The following MATCAP2 variants were observed in gnomAD, a reference collection of about 807,000 sequenced individuals.
MATCAP2 encodes putative tyrosine carboxypeptidase MATCAP2.
the MATCAP2 span, among the ~76,000 whole-genome samples, chr7:36,376,259 TA>T: frequency 6.6e-6 from 1 of 152,122 alleles, no homozygotes. Context: ...CACACTGCTT[TA>T]AATGTATCCC....
At chr7:36,365,091 A>T in the MATCAP2 span, among the ~76,000 whole-genome samples, 1 of 152,194 alleles carries the variant, frequency 6.6e-6, no homozygotes, top group Non-Finnish European at 1.5e-5. Context: ...TTCTAACTCA[A>T]CATGTTGACA....
the MATCAP2 span, chr7:36,383,795 C>A: frequency 8.9e-7 from 1 of 1,117,446 alleles, no homozygotes; most frequent in Non-Finnish European, 1.3e-6. Flanking sequence ...ACATGTACTC[C>A]AGAACTTAAA....
the MATCAP2 span, among the ~76,000 whole-genome samples, chr7:36,371,937 A>C: frequency 6.6e-6 from 1 of 151,994 alleles, no homozygotes; most frequent in South Asian, 2.1e-4. Flanking sequence ...CTGGTCTCAA[A>C]TTCCTGGCCT....
the MATCAP2 span, among the ~76,000 whole-genome samples, chr7:36,327,708 C>A: frequency 6.6e-6 from 1 of 152,178 alleles, no homozygotes. Flanking sequence ...TTTGGAGCAC[C>A]CACGTGATGC....
the MATCAP2 span, among the ~76,000 whole-genome samples, chr7:36,375,993 G>A: frequency 1.3e-5 from 2 of 151,762 alleles, no homozygotes; most frequent in Non-Finnish European, 2.9e-5. Context: ...TTCTTTATTA[G>A]TCTTGCTAGC....
chr7:36,361,361 G>C, the MATCAP2 span, among the ~76,000 whole-genome samples: 1 of 152,168 alleles, frequency 6.6e-6, no homozygotes. Flanking sequence ...GAGGTCTCTG[G>C]CTGAAAAGGA....
At chr7:36,329,792 G>C in the MATCAP2 span, among the ~76,000 whole-genome samples, 4 of 152,146 alleles carry the variant, frequency 2.6e-5, 1 homozygote, top group Non-Finnish European at 5.9e-5. Context: ...CTAATACAAT[G>C]GGGGAAAGGT....
the MATCAP2 span, among the ~76,000 whole-genome samples, chr7:36,341,155 A>G: frequency 6.6e-6 from 1 of 152,206 alleles, no homozygotes; most frequent in Non-Finnish European, 1.5e-5. Context: ...GAGTTCAGAG[A>G]ATCAATGTTT....
chr7:36,384,835 A>G, the MATCAP2 span, among the ~76,000 whole-genome samples: 11 of 152,114 alleles, frequency 7.2e-5, no homozygotes, highest in African/African-American at 2.7e-4. Context: ...TGACCAGAAA[A>G]AAGGCCTGAA....
chr7:36,361,139 A>C, the MATCAP2 span, among the ~76,000 whole-genome samples: 3 of 152,208 alleles, frequency 2.0e-5, no homozygotes, highest in African/African-American at 7.2e-5. Flanking sequence ...CACAATGAAA[A>C]CTTAGTATAT....
At chr7:36,388,153 A>G in the MATCAP2 span, among the ~76,000 whole-genome samples, 1 of 152,222 alleles carries the variant, frequency 6.6e-6, no homozygotes, top group Non-Finnish European at 1.5e-5. Flanking sequence ...ACTAAAATAC[A>G]AACAGGCTAA....
chr7:36,362,892 G>T, the MATCAP2 span, among the ~76,000 whole-genome samples: 3 of 152,012 alleles, frequency 2.0e-5, no homozygotes, highest in African/African-American at 7.2e-5. Flanking sequence ...TCTCTTCTTC[G>T]AAGTACTTTA....
At chr7:36,335,240 T>C in the MATCAP2 span, 2 of 1,493,320 alleles carry the variant, frequency 1.3e-6, no homozygotes, top group East Asian at 4.7e-5. Context: ...GGGGAGAAGC[T>C]TTCACAGAAA....
the MATCAP2 span, among the ~76,000 whole-genome samples, chr7:36,384,881 A>T: frequency 1.3e-5 from 2 of 152,118 alleles, no homozygotes; most frequent in African/African-American, 4.8e-5. Flanking sequence ...AAAAAAAGGA[A>T]AGTATTGTGA....
At chr7:36,334,535 CAAAAAAAAAA>C in the MATCAP2 span, among the ~76,000 whole-genome samples, 256 of 49,524 alleles carry the variant, frequency 5.2e-3, 1 homozygote, top group African/African-American at 0.022. Flanking sequence ...GATCCCATCT[CAAAAAAAAAA>C]AAAAAAAAAA....
the MATCAP2 span, chr7:36,330,959 T>A: frequency 5.0e-6 from 7 of 1,398,498 alleles, no homozygotes; most frequent in Non-Finnish European, 7.1e-6. Flanking sequence ...GTTCGGGGAC[T>A]ATGTGCCATG....
the MATCAP2 span, among the ~76,000 whole-genome samples, chr7:36,375,668 A>G: frequency 6.6e-6 from 1 of 152,214 alleles, no homozygotes; most frequent in African/African-American, 2.4e-5. Context: ...GAATGGTACC[A>G]GCTCCTCTTT....
the MATCAP2 span, among the ~76,000 whole-genome samples, chr7:36,354,362 C>A: frequency 6.6e-6 from 1 of 152,214 alleles, no homozygotes; most frequent in African/African-American, 2.4e-5. Context: ...CTTATCTGTG[C>A]GCGAAAGTCT....
At chr7:36,360,095 C>T in the MATCAP2 span, among the ~76,000 whole-genome samples, 1 of 152,136 alleles carries the variant, frequency 6.6e-6, no homozygotes, top group African/African-American at 2.4e-5. Context: ...ATAAATAAGA[C>T]TACTCTGAAG....
Sources: gnomAD v4.1 joint callset for allele counts (sites outside exome capture counted in the v4.1 genomes callset) on GRCh38, gnomAD v4.1.1 for gene constraint, MANE v1.5 for transcripts, NCBI Gene and HGNC (gene_info 2026-07-23, HGNC 2026-07-21) for gene names.